The following MYSM1 variants were observed in gnomAD, a reference collection of about 807,000 sequenced individuals.
MYSM1 encodes Myb like, SWIRM and MPN domains 1, also known as deubiquitinase MYSM1.
Under a neutral mutation model 116.0 loss-of-function variants are expected in MYSM1, and 51 were observed. The ratio of observed to expected loss-of-function variants is 0.44; its 90% CI spans 0.35 to 0.56. MYSM1 has a LOEUF of 0.56. MYSM1 is among the 20% of genes least tolerant of loss of function. The pLI, the probability that MYSM1 is intolerant of heterozygous loss-of-function variation, is 0.00. For missense variants in MYSM1, 900 were observed against 974.9 expected, an observed-to-expected ratio of 0.92 and a Z score of 1.02; for synonymous variants, 313 against 315.2, an observed-to-expected ratio of 0.99 and a Z score of 0.07.
chr1:58,673,779 C>T (rs1443088316), intron 10 of MYSM1, 129 bp from the exon 11 acceptor site: 1 of 733,776 alleles, frequency 1.4e-6, no homozygotes, highest in East Asian at 2.9e-5. Context: ...ATAGTATAAC[C>T]TCTGGCAATG....
At chr1:58,687,451 A>C (rs921681115) in intron 6 of MYSM1, among the ~76,000 whole-genome samples, 2 of 152,198 alleles carry the variant, frequency 1.3e-5, no homozygotes, top group Non-Finnish European at 2.9e-5. Context: ...TACCACCAAC[A>C]TAAAAAATAA....
chr1:58,660,217 T>C (rs1233369900), intron 19 of MYSM1, 62 bp from the exon 20 acceptor site: 12 of 1,114,994 alleles, frequency 1.1e-5, no homozygotes, highest in Middle Eastern at 2.4e-4. Context: ...TGCATTACTA[T>C]CACTATTTCG....
At chr1:58,667,773 T>C in intron 15 of MYSM1, 74 bp downstream of exon 15, 1 of 881,530 alleles carries the variant, frequency 1.1e-6, no homozygotes. Context: ...TTATATTAAC[T>C]GAATTCTATA....
At chr1:58,678,669 T>C (rs1364357350) in intron 8 of MYSM1, among the ~76,000 whole-genome samples, 3 of 152,168 alleles carry the variant, frequency 2.0e-5, no homozygotes, top group African/African-American at 4.8e-5. Flanking sequence ...TTATTTGTGG[T>C]AGTAATAAGT....
intron 7 of MYSM1, among the ~76,000 whole-genome samples, chr1:58,683,027 G>A (rs1216675967): frequency 6.6e-6 from 1 of 152,108 alleles, no homozygotes; most frequent in Non-Finnish European, 1.5e-5. Context: ...ACAAGATTGG[G>A]CACGTTCATG....
intron 12 of MYSM1, 120 bp from the exon 13 acceptor site, chr1:58,669,158 T>C: frequency 2.9e-6 from 2 of 679,084 alleles, no homozygotes; most frequent in South Asian, 2.2e-5. Flanking sequence ...ATGAGAGAGT[T>C]TTGTAGGAAA....
chr1:58,685,354 A>C (rs1644812942), intron 6 of MYSM1, 103 bp from the exon 7 acceptor site: 1 of 690,682 alleles, frequency 1.4e-6, no homozygotes, highest in Non-Finnish European at 2.4e-6. Flanking sequence ...AAAAAAATAC[A>C]TCTTTATTTT....
intron 7 of MYSM1, among the ~76,000 whole-genome samples, chr1:58,682,840 C>T (rs1238202586): frequency 5.9e-5 from 9 of 152,088 alleles, no homozygotes; most frequent in East Asian, 5.8e-4. Context: ...GGACTACAGG[C>T]GCCTGCCACC....
At chr1:58,687,936 G>C (rs999534197) in intron 6 of MYSM1, among the ~76,000 whole-genome samples, 5 of 152,064 alleles carry the variant, frequency 3.3e-5, no homozygotes, top group African/African-American at 1.2e-4. Flanking sequence ...CCCTCCTTCT[G>C]CGTGTGTGTG....
chr1:58,669,127 C>T (rs1034546793), intron 12 of MYSM1, 89 bp from the exon 13 acceptor site: 1 of 935,926 alleles, frequency 1.1e-6, no homozygotes, highest in African/African-American at 1.7e-5. Context: ...TATCAATAAT[C>T]TAAACCCAAA....
rs563752376 is a variant in MYSM1 at position 58,667,153 on chromosome 1, T to C, written c.1916A>G (p.Gln639Arg). 198 of 1,613,332 alleles carry C rather than the reference T, an allele frequency of 1.2e-4. 3 individuals are homozygous for C. In the South Asian group the frequency reaches 2.1e-3, roughly 17 times the overall value. Residue 639 changes from glutamine to arginine, a missense_variant, in exon 16 of 20, where the codon CAG (glutamine) becomes CGG (arginine). This residue lies in a region of MYSM1 where 92 missense variants were observed against 155.0 expected (regional missense o/e 0.59). Coordinates refer to ENST00000472487, the MANE Select transcript of MYSM1 (RefSeq NM_001085487.3). ...TCTAACAGCCAAGGTTTCTGAGGCCTGTGTTTGTGATACAGGATCCATCTC... is the reference window on the plus strand; with the variant it reads ...TCTAACAGCCAAGGTTTCTGAGGCCCGTGTTTGTGATACAGGATCCATCTC... ...QCEMDPVSQT[Q>R]ASETLAVRGF...
At chr1:58,669,119 T>C in intron 12 of MYSM1, 81 bp from the exon 13 acceptor site, 3 of 1,068,376 alleles carry the variant, frequency 2.8e-6, no homozygotes, top group Non-Finnish European at 4.0e-6. Context: ...AAAGTGTATA[T>C]CAATAATCTA....
chr1:58,676,833 T>A, intron 9 of MYSM1, 93 bp downstream of exon 9: 1 of 1,349,150 alleles, frequency 7.4e-7, no homozygotes, highest in Non-Finnish European at 1.0e-6. Flanking sequence ...TATATACCTA[T>A]AACTACTTGA....
At chr1:58,665,768 G>C (rs970151647) in intron 16 of MYSM1, 137 bp from the exon 17 acceptor site, 2 of 629,556 alleles carry the variant, frequency 3.2e-6, no homozygotes, top group South Asian at 4.5e-5. Flanking sequence ...CATCTGGCCC[G>C]GCACAGTGGC....
At position 58,695,094 on chromosome 1, in the gene MYSM1, G is replaced by C. The variant is rs770707596; in HGVS notation, c.147+35C>G. The C allele has an allele frequency of 4.4e-6, 6 of 1,354,008 alleles. No individual in the cohort carries two copies. The South Asian group carries it at 7.2e-5, about 16-fold the overall frequency. 83.9% of individuals were successfully genotyped at this position (1,354,008 alleles called of 1,614,324 possible). ...GAAGCACTCTAGGCAATAAATAACAGCTTAATGCACCTGATATTTTTATAA... is the reference window on the plus strand; with the variant it reads ...GAAGCACTCTAGGCAATAAATAACACCTTAATGCACCTGATATTTTTATAA... On this transcript the variant is annotated intron_variant, in intron 2 of 19. Transcript: ENST00000472487.
rs540883358 is a variant in MYSM1 at position 58,690,502 on chromosome 1, A to G, written c.219-85T>C. ...CTTATACAAAACGTGTGCTACATAA[A>G]TGTTATTAATAGTTCCCTTGTCTTC... On this transcript the variant is annotated intron_variant, in intron 3 of 19. Coordinates refer to ENST00000472487, the MANE Select transcript of MYSM1 (RefSeq NM_001085487.3). 3.4e-6 allele frequency: 3 copies of G among 879,728 alleles called. No individual in the cohort carries two copies. The Admixed American group carries it at 8.8e-5, about 26-fold the overall frequency. 54.5% of individuals were successfully genotyped at this position (879,728 alleles called of 1,614,324 possible).
At chr1:58,686,343 C>T (rs2064371) in intron 6 of MYSM1, among the ~76,000 whole-genome samples, 86,394 of 152,008 alleles carry the variant, frequency 0.57, 24,846 homozygotes, top group East Asian at 0.64. Flanking sequence ...TAAATCCTCT[C>T]TGCAATATCC....
At chr1:58,688,702 A>C (rs1019274647) in intron 6 of MYSM1, among the ~76,000 whole-genome samples, 9 of 152,150 alleles carry the variant, frequency 5.9e-5, no homozygotes, top group Non-Finnish European at 1.0e-4. Context: ...TTTCAAAAAA[A>C]AAAAGAGATT....
rs1279017538 is a variant in MYSM1 at position 58,659,898 on chromosome 1, A to G, written c.*99T>C. On this transcript the variant is annotated 3_prime_UTR_variant, in exon 20 of 20. Transcript: ENST00000472487. ...GGATTTTGTGAAATAGAGAAAAAATACCAAAGCTGTGCCAATGTTAACTAC... is the reference window on the plus strand; with the variant it reads ...GGATTTTGTGAAATAGAGAAAAAATGCCAAAGCTGTGCCAATGTTAACTAC... 5.0e-6 allele frequency: 4 copies of G among 802,238 alleles called. No individual in the cohort carries two copies. Among genetic ancestry groups the G allele is most frequent in the Non-Finnish European group, 7.4e-6 (4 of 544,172 alleles). The allele number at this position is 802,238 out of a possible 1,614,324, so 49.7% of individuals were successfully genotyped here.
Sources: gnomAD v4.1 joint callset for allele counts (sites outside exome capture counted in the v4.1 genomes callset) on GRCh38, gnomAD v4.1.1 for gene constraint, gnomAD v4.1.1 regional missense constraint, MANE v1.5 for transcripts, NCBI Gene and HGNC (gene_info 2026-07-23, HGNC 2026-07-21) for gene names.